The following CFAP47 variants were observed in gnomAD, a reference collection of about 807,000 sequenced individuals.
CFAP47 encodes the protein cilia- and flagella-associated protein 47.
Under a neutral mutation model 148.1 loss-of-function variants are expected in CFAP47, and 29 were observed. That is an observed-to-expected ratio of 0.20 (90% confidence interval 0.15 to 0.27). The LOEUF (loss-of-function observed/expected upper bound fraction) is 0.27, where lower values mean the gene tolerates loss of function less well. CFAP47 is among the 10% of genes least tolerant of loss of function. The pLI, the probability that CFAP47 is intolerant of heterozygous loss-of-function variation, is 1.00. For missense variants in CFAP47, 1,872 were observed against 1,697.5 expected, an observed-to-expected ratio of 1.10 and a Z score of -1.81; for synonymous variants, 664 against 577.3, an observed-to-expected ratio of 1.15 and a Z score of -2.15.
At chrX:35,939,390 C>A (rs1260616633) in intron 2 of CFAP47, among the ~76,000 whole-genome samples, 1 of 102,918 alleles carries the variant, frequency 9.7e-6, no homozygotes, top group Non-Finnish European at 2.0e-5. Flanking sequence ...GTGTGCTGCA[C>A]CCATTAACTC....
intron 6 of CFAP47, among the ~76,000 whole-genome samples, chrX:35,952,770 G>A (rs1371599323): frequency 8.9e-6 from 1 of 111,820 alleles, no homozygotes; most frequent in African/African-American, 3.3e-5. Flanking sequence ...TGGTGAATCT[G>A]TAAGATTCTG....
intron 30 of CFAP47, among the ~76,000 whole-genome samples, chrX:36,096,322 C>T (rs1377647647): frequency 9.0e-6 from 1 of 111,182 alleles, no homozygotes; most frequent in Admixed American, 9.6e-5. Flanking sequence ...GTAGGTATTC[C>T]ATAGCCATTA....
At position 36,251,333 on chromosome X, in the gene CFAP47, G is replaced by A. The variant is rs1242356868; in HGVS notation, c.7333G>A (p.Val2445Ile). ...CTTGTTTCTGAATTATCTCTTATAGGTAACTGCAGATCTTCCAATAGTGTG... is the reference window on the plus strand; with the variant it reads ...CTTGTTTCTGAATTATCTCTTATAGATAACTGCAGATCTTCCAATAGTGTG... The part of the protein sequence containing the change: ...HFTNTALTFK[V>I]TADLPIVWGN... The change falls in exon 49 of 64, where the codon GTA becomes ATA. Residue 2445 changes from valine (V) to isoleucine (I), a missense_variant and splice_region_variant. Physicochemically the swap from Val to Ile is conservative, Grantham distance 29. Transcript: ENST00000378653. The A allele has an allele frequency of 1.6e-5, 8 of 496,218 alleles. No individual in the cohort carries two copies. The East Asian group carries it at 3.0e-4, about 18-fold the overall frequency. The allele number at this position is 496,218 out of a possible 1,213,427, so 40.9% of individuals were successfully genotyped here. A position where few individuals can be genotyped will look rare whatever the true frequency, so the allele number is the denominator to read the frequency against.
intron 45 of CFAP47, among the ~76,000 whole-genome samples, chrX:36,216,314 C>G (rs1280354234): frequency 8.9e-6 from 1 of 111,745 alleles, no homozygotes; most frequent in Admixed American, 9.5e-5. Flanking sequence ...TTTCTCTTCC[C>G]CCTACCATCC....
chrX:36,026,478 C>G (rs1937217870), intron 22 of CFAP47, among the ~76,000 whole-genome samples: 1 of 111,153 alleles, frequency 9.0e-6, no homozygotes, highest in Admixed American at 9.6e-5. Flanking sequence ...TTCCAGTACA[C>G]AATATAATAT....
chrX:35,980,766 T>C (rs778329155), intron 15 of CFAP47, among the ~76,000 whole-genome samples: 1 of 110,944 alleles, frequency 9.0e-6, no homozygotes, highest in Non-Finnish European at 1.9e-5. Context: ...AACAATGTTC[T>C]CATCTGAAAA....
intron 61 of CFAP47, among the ~76,000 whole-genome samples, chrX:36,363,805 T>C (rs1264001689): frequency 9.0e-6 from 1 of 111,673 alleles, no homozygotes; most frequent in Non-Finnish European, 1.9e-5. Flanking sequence ...ATAAATATGC[T>C]AAATGGTGGT....
chrX:35,964,681 T>G (rs1401848752), intron 8 of CFAP47, among the ~76,000 whole-genome samples: 1 of 111,328 alleles, frequency 9.0e-6, no homozygotes, highest in Non-Finnish European at 1.9e-5. Context: ...ATGTGAATAA[T>G]TTCAAATGTC....
intron 56 of CFAP47, among the ~76,000 whole-genome samples, chrX:36,316,833 T>C (rs1941437809): frequency 8.9e-6 from 1 of 112,338 alleles, no homozygotes; most frequent in Non-Finnish European, 1.9e-5. Flanking sequence ...TCCCGTAGGC[T>C]AGAGTGCAGT....
At chrX:36,286,657 C>T (rs1156927426) in intron 51 of CFAP47, among the ~76,000 whole-genome samples, 3 of 111,109 alleles carry the variant, frequency 2.7e-5, no homozygotes, top group Non-Finnish European at 5.7e-5. Flanking sequence ...GTTACCACTG[C>T]AGTGTAAAAT....
chrX:35,929,655 C>CT, intron 2 of CFAP47, among the ~76,000 whole-genome samples: 1 of 110,489 alleles, frequency 9.1e-6, no homozygotes, highest in East Asian at 2.8e-4. Context: ...TGCTTTTTAC[C>CT]TTTTTTTCTT....
chrX:36,187,204 G>C (rs782756260), intron 40 of CFAP47, among the ~76,000 whole-genome samples: 1 of 111,941 alleles, frequency 8.9e-6, no homozygotes, highest in East Asian at 2.8e-4. Flanking sequence ...CAAATATCTA[G>C]GTCTGCAATG....
intron 45 of CFAP47, among the ~76,000 whole-genome samples, chrX:36,219,601 C>T (rs781818601): frequency 8.9e-6 from 1 of 111,900 alleles, no homozygotes; most frequent in Admixed American, 9.5e-5. Context: ...CTGGGAACTG[C>T]TTAGGGCAAA....
At chrX:36,285,463 C>T (rs1219860256) in intron 50 of CFAP47, among the ~76,000 whole-genome samples, 166 bp from the exon 51 acceptor site, 1 of 111,761 alleles carries the variant, frequency 8.9e-6, no homozygotes, top group African/African-American at 3.2e-5. Context: ...TCTTATTCCT[C>T]ACTAACTGTG....
chrX:36,138,498 T>C (rs1049592495), intron 35 of CFAP47, 34 bp downstream of exon 35: 10 of 1,109,101 alleles, frequency 9.0e-6, no homozygotes, highest in Non-Finnish European at 1.2e-5. Flanking sequence ...TCTACAAACA[T>C]TTTATAAATT....
intron 52 of CFAP47, among the ~76,000 whole-genome samples, chrX:36,299,507 A>G (rs1941277645): frequency 1.8e-5 from 2 of 111,832 alleles, no homozygotes; most frequent in South Asian, 7.4e-4. Context: ...ATTAACTTAT[A>G]TATTTTTCTT....
At chrX:36,090,302 G>A (rs1022728785) in intron 30 of CFAP47, among the ~76,000 whole-genome samples, 3 of 111,734 alleles carry the variant, frequency 2.7e-5, no homozygotes, top group Non-Finnish European at 5.7e-5. Flanking sequence ...GTTTTACTCT[G>A]AAAATATAAT....
At chrX:36,283,033 A>G (rs1556003909) in intron 50 of CFAP47, among the ~76,000 whole-genome samples, 3 of 111,282 alleles carry the variant, frequency 2.7e-5, no homozygotes. Flanking sequence ...ATATGAATGT[A>G]TCAATTATGT....
At position 36,071,991 on chromosome X, in the gene CFAP47, T is replaced by C. The variant is rs772443978; in HGVS notation, c.4465+20T>C. 9 of 1,144,292 alleles carry C rather than the reference T, an allele frequency of 7.9e-6. No individual in the cohort carries two copies. In the Admixed American group the frequency reaches 1.5e-4, roughly 19 times the overall value. 94.3% of individuals were successfully genotyped at this position (1,144,292 alleles called of 1,213,427 possible). On this transcript the variant is annotated intron_variant, in intron 28 of 63. Transcript: ENST00000378653. ...TTATTGGTATGTAGCAAATATATAG[T>C]GTACTTTCCAAAATTAGTCCATGAC...
Sources: gnomAD v4.1 joint callset for allele counts (sites outside exome capture counted in the v4.1 genomes callset) on GRCh38, gnomAD v4.1.1 for gene constraint, MANE v1.5 for transcripts, NCBI Gene and HGNC (gene_info 2026-07-23, HGNC 2026-07-21) for gene names.